Variants in POLR2D observed in about 807,000 individuals in gnomAD.
POLR2D encodes the protein RNA polymerase II subunit D.
In POLR2D, 10 loss-of-function variants were observed where a neutral mutation model predicts 17.6. That is an observed-to-expected ratio of 0.57 (90% CI 0.35 to 0.96). The LOEUF is 0.96. POLR2D is among the 40% of genes least tolerant of loss of function. POLR2D has a pLI of 0.02. For synonymous variants in POLR2D, 52 were observed against 60.2 expected (o/e 0.86, Z 0.63); for missense variants, 126 against 176.4 (o/e 0.71, Z 1.62).
intron 1 of POLR2D, 151 bp from the exon 2 acceptor site, chr2:127,853,256 G>T: frequency 1.5e-6 from 1 of 645,788 alleles, no homozygotes; most frequent in East Asian, 2.7e-5. Flanking sequence ...TTTATTTTAG[G>T]TTCAGAGTGC....
chr2:127,850,178 C>T (rs1028322084), intron 3 of POLR2D, among the ~76,000 whole-genome samples: 1 of 151,846 alleles, frequency 6.6e-6, no homozygotes, highest in African/African-American at 2.4e-5. Flanking sequence ...CGGTGGCTCA[C>T]GCCTGTAATC....
chr2:127,849,091 C>T (rs1409914925), intron 3 of POLR2D, among the ~76,000 whole-genome samples: 1 of 151,892 alleles, frequency 6.6e-6, no homozygotes, highest in Non-Finnish European at 1.5e-5. Context: ...TATTGCCAAA[C>T]TGGAGTGCAG....
intron 2 of POLR2D, 126 bp from the exon 3 acceptor site, chr2:127,850,811 G>A: frequency 1.7e-6 from 1 of 602,520 alleles, no homozygotes; most frequent in Admixed American, 3.1e-5. Flanking sequence ...AGACGGCCAG[G>A]TGTAGTGGCT....
chr2:127,857,749 T>C, intron 1 of POLR2D: 1 of 1,197,908 alleles, frequency 8.3e-7, no homozygotes, highest in South Asian at 2.5e-5. Flanking sequence ...TATTACTGTT[T>C]AAAAATCTGT....
intron 1 of POLR2D, among the ~76,000 whole-genome samples, chr2:127,853,487 T>C (rs1022436665): frequency 6.6e-6 from 1 of 152,214 alleles, no homozygotes; most frequent in African/African-American, 2.4e-5. Context: ...CTTTTGTTCC[T>C]GTGTTAATTG....
At position 127,852,109 on chromosome 2, in the gene POLR2D, C is replaced by T. The variant is rs919493331; in HGVS notation, c.254+816G>A. On this transcript the variant is annotated intron_variant, in intron 2 of 3. Coordinates refer to ENST00000272645, the MANE Select transcript of POLR2D (RefSeq NM_004805.4). The surrounding 1 kb of genome is among the most constrained non-coding windows in gnomAD (Gnocchi z 4.0). ...CGGCCAATCCCAGCACTTTGGGGGG[C>T]TAAGGTTGGAGGATCAATTGAGGCC... is the stretch of plus-strand genomic sequence containing the variant. 6.6e-6 allele frequency among the ~76,000 whole-genome samples: 1 copy of T among 152,062 alleles called. No individual in the cohort carries two copies. The highest frequency in any genetic ancestry group is 1.5e-5 in the Non-Finnish European group (1 of 68,014).
rs1262827858 is a variant in POLR2D, at chr2:127,845,045, T to C, written c.*3062A>G. 1 of 152,178 alleles carries C rather than the reference T, an allele frequency of 6.6e-6. No individual in the cohort carries two copies. The highest frequency in any genetic ancestry group is 1.5e-5 in the Non-Finnish European group (1 of 68,054). The allele number at this position is 152,178 out of a possible 1,614,324, so 9.4% of individuals were successfully genotyped here. A position where few individuals can be genotyped will look rare whatever the true frequency, so the allele number is the denominator to read the frequency against. On this transcript the variant is annotated 3_prime_UTR_variant, in exon 4 of 4. Coordinates refer to ENST00000272645, the MANE Select transcript of POLR2D (RefSeq NM_004805.4). Reference sequence around the variant, plus strand: ...TGCCAGAGCATTATATACTTCAGTATTCTCAGGTAGCTCACAGAACCCCTG... The same window carrying C: ...TGCCAGAGCATTATATACTTCAGTACTCTCAGGTAGCTCACAGAACCCCTG...
intron 3 of POLR2D, among the ~76,000 whole-genome samples, chr2:127,848,592 C>A (rs914410342): frequency 2.6e-5 from 4 of 152,186 alleles, no homozygotes; most frequent in Middle Eastern, 3.2e-3. Context: ...TCTCGGCTCA[C>A]TGCAAGCTCC....
rs1356894080 is a variant in POLR2D at position 127,845,119 on chromosome 2, T to C, written c.*2988A>G. 1 of 152,266 alleles carries C rather than the reference T, an allele frequency of 6.6e-6. No individual in the cohort carries two copies. 9.4% of individuals were successfully genotyped at this position (152,266 alleles called of 1,614,324 possible). ...AAGATGGTAGCACCGTGCTCCTCAG[T>C]TGCCATCTAGCACACGCCTGGATCG... On this transcript the variant is annotated 3_prime_UTR_variant, in exon 4 of 4. Transcript: ENST00000272645.
rs1238603167 is a variant in POLR2D at position 127,844,230 on chromosome 2, C to T, written c.*3877G>A. On this transcript the variant is annotated 3_prime_UTR_variant, in exon 4 of 4. Transcript: ENST00000272645. The stretch of plus-strand genomic sequence containing the variant: ...ACCAGAAAGCCGCCCTTGCCAGACA[C>T]TGAACGTACCAGCACCTGGATCTTG... 1 of 152,040 alleles carries T rather than the reference C, an allele frequency of 6.6e-6. No homozygotes were observed. The highest frequency in any genetic ancestry group is 2.4e-5 in the African/African-American group (1 of 41,370). 9.4% of individuals were successfully genotyped at this position (152,040 alleles called of 1,614,324 possible).
Position 127,848,197 on chromosome 2 carries a change from TGAAAA to T in POLR2D, c.351-17_351-13del, listed in dbSNP as rs1254598109. 2.5e-6 allele frequency: 4 copies of T among 1,587,746 alleles called. No individual in the cohort carries two copies. The highest frequency in any genetic ancestry group is 1.7e-5 in the Admixed American group (1 of 58,390). On this transcript the variant is annotated splice_polypyrimidine_tract_variant and intron_variant, in intron 3 of 3. Coordinates refer to ENST00000272645, the MANE Select transcript of POLR2D (RefSeq NM_004805.4). ...ACCGTCCCTCCAAGCTACAAGAAAA[TGAAAA>T]GAAATGAGTGATTTGGCGACTGGCA...
Position 127,852,725 on chromosome 2 carries a change from G to A in POLR2D, c.254+200C>T, listed in dbSNP as rs1447792546. On this transcript the variant is annotated intron_variant, in intron 2 of 3. Coordinates refer to ENST00000272645, the MANE Select transcript of POLR2D (RefSeq NM_004805.4). This position sits in a 1 kb window ranked among gnomAD's most constrained non-coding sequence, Gnocchi z 4.0. ...AGCAGAGACGGGTTTTTGCTATATCGACCAGGCTGGTCTTGAACACCTGGC... is the reference window on the plus strand; with the variant it reads ...AGCAGAGACGGGTTTTTGCTATATCAACCAGGCTGGTCTTGAACACCTGGC... Among the ~76,000 whole-genome samples, 1 of 152,028 alleles carries A rather than the reference G, an allele frequency of 6.6e-6. No homozygotes were observed. Among genetic ancestry groups the A allele is most frequent in the African/African-American group, 2.4e-5 (1 of 41,370 alleles).
chr2:127,856,290 C>CAAAAAAAAAAAAAGAAAAAAAA (rs1690326920), intron 1 of POLR2D, among the ~76,000 whole-genome samples: 1 of 25,416 alleles, frequency 3.9e-5, no homozygotes, highest in Non-Finnish European at 7.0e-5. Flanking sequence ...GATCCCGTCT[C>CAAAAAAAAAAAAAGAAAAAAAA]AAAAAAAAAA....
chr2:127,846,823 T>A lies in POLR2D; in HGVS notation c.*1284A>T, dbSNP rs1690164220. 1.3e-5 allele frequency: 2 copies of A among 155,214 alleles called. No homozygotes were observed. The allele number at this position is 155,214 out of a possible 1,614,324, so 9.6% of individuals were successfully genotyped here. ...TCCTTGCCTGCTTCATGAGCTCAAT[T>A]CCTCACCACTGTGCTGTGAATGGCA... On this transcript the variant is annotated 3_prime_UTR_variant, in exon 4 of 4. Transcript: ENST00000272645.
chr2:127,858,120 C>G lies in POLR2D; in HGVS notation c.-20G>C. ...CGCCATCGCCGCGCCGCGCCGCGCGCCACCACCAGCGCCGCCGGAAGCAGA... is the reference window on the plus strand; with the variant it reads ...CGCCATCGCCGCGCCGCGCCGCGCGGCACCACCAGCGCCGCCGGAAGCAGA... On this transcript the variant is annotated 5_prime_UTR_variant, in exon 1 of 4. Coordinates refer to ENST00000272645, the MANE Select transcript of POLR2D (RefSeq NM_004805.4). 6.9e-7 allele frequency: 1 copy of G among 1,447,268 alleles called. No individual in the cohort carries two copies. The highest frequency in any genetic ancestry group is 9.1e-7 in the Non-Finnish European group (1 of 1,095,852). The allele number at this position is 1,447,268 out of a possible 1,614,324, so 89.7% of individuals were successfully genotyped here. A position where few individuals can be genotyped will look rare whatever the true frequency, so the allele number is the denominator to read the frequency against.
At chr2:127,853,979 A>G (rs1175148792) in intron 1 of POLR2D, among the ~76,000 whole-genome samples, 2 of 152,204 alleles carry the variant, frequency 1.3e-5, no homozygotes, top group African/African-American at 4.8e-5. Flanking sequence ...TCAAGAGTAC[A>G]CTGACAATTC....
At chr2:127,848,930 G>A (rs1690199682) in intron 3 of POLR2D, among the ~76,000 whole-genome samples, 1 of 152,126 alleles carries the variant, frequency 6.6e-6, no homozygotes, top group African/African-American at 2.4e-5. Flanking sequence ...AAAGTGCTGG[G>A]ATTACAGGCA....
rs552967896 is a variant in POLR2D, at chr2:127,847,517, C to T, written c.*590G>A. 6.5e-6 allele frequency: 1 copy of T among 154,598 alleles called. No homozygotes were observed. The highest frequency in any genetic ancestry group is 2.4e-5 in the African/African-American group (1 of 41,432). The allele number at this position is 154,598 out of a possible 1,614,324, so 9.6% of individuals were successfully genotyped here. A position where few individuals can be genotyped will look rare whatever the true frequency, so the allele number is the denominator to read the frequency against. On this transcript the variant is annotated 3_prime_UTR_variant, in exon 4 of 4. Coordinates refer to ENST00000272645, the MANE Select transcript of POLR2D (RefSeq NM_004805.4). ...AAAATTAGCTGAGAGTTGTGGTGCA[C>T]ACCTGTGGCCCCAGTTATTTGGGAG... is the stretch of plus-strand genomic sequence containing the variant.
chr2:127,849,515 A>G (rs994664281), intron 3 of POLR2D, among the ~76,000 whole-genome samples: 2 of 152,232 alleles, frequency 1.3e-5, no homozygotes, highest in Non-Finnish European at 2.9e-5. Flanking sequence ...ACATTTATGG[A>G]TACGTAAATA....
Sources: allele counts gnomAD v4.1 joint callset (sites outside exome capture counted in the v4.1 genomes callset), GRCh38; gene constraint gnomAD v4.1.1; non-coding constraint Gnocchi (gnomAD v3.1); transcripts MANE v1.5; gene names NCBI Gene and HGNC (gene_info 2026-07-23, HGNC 2026-07-21).